LAMC1: variants seen among roughly 807,000 people sequenced by gnomAD.
The protein encoded by LAMC1 is laminin subunit gamma 1.
LAMC1 carries 38 observed loss-of-function variants against 173.6 expected under a neutral mutation model. That is an observed-to-expected ratio of 0.22 (90% confidence interval 0.17 to 0.29). The LOEUF (loss-of-function observed/expected upper bound fraction) is 0.29. Ranked by LOEUF, LAMC1 falls within the 10% of genes least tolerant of loss-of-function variation. The pLI, the probability that LAMC1 is intolerant of heterozygous loss-of-function variation, is 1.00. For synonymous variants in LAMC1, 746 were observed against 749.1 expected (o/e 1.00, Z 0.07); for missense variants, 1,824 against 2,051.8 (o/e 0.89, Z 2.14).
intron 17 of LAMC1, 95 bp from the exon 18 acceptor site, chr1:183,128,499 A>G: frequency 3.2e-6 from 3 of 937,900 alleles, no homozygotes; most frequent in Non-Finnish European, 4.7e-6. Flanking sequence ...CTACATATTC[A>G]TGGAGTGCCC....
At chr1:183,060,311 A>G (rs969332020) in intron 1 of LAMC1, among the ~76,000 whole-genome samples, 1 of 151,422 alleles carries the variant, frequency 6.6e-6, no homozygotes, top group African/African-American at 2.4e-5. Flanking sequence ...CCAGCTACTC[A>G]GGAGGCTGAG....
intron 2 of LAMC1, among the ~76,000 whole-genome samples, chr1:183,105,224 CAAAAAAAAAAA>C (rs35512159): frequency 4.7e-5 from 2 of 42,852 alleles, no homozygotes; most frequent in Non-Finnish European, 8.6e-5. Context: ...GACTCCATCT[CAAAAAAAAAAA>C]AAAAAAAAAA....
At chr1:183,094,749 G>A (rs1275831270) in intron 1 of LAMC1, among the ~76,000 whole-genome samples, 2 of 152,230 alleles carry the variant, frequency 1.3e-5, no homozygotes, top group Admixed American at 6.5e-5. Flanking sequence ...AAGGACAGAT[G>A]TAAACAGTAC....
At chr1:183,113,730 T>C (rs549263635) in intron 4 of LAMC1, among the ~76,000 whole-genome samples, 1 of 152,198 alleles carries the variant, frequency 6.6e-6, no homozygotes, top group South Asian at 2.1e-4. Flanking sequence ...GTTACCCCAG[T>C]CTAGATATAT....
chr1:183,121,129 T>A (rs1433522094), intron 11 of LAMC1, among the ~76,000 whole-genome samples: 3 of 152,040 alleles, frequency 2.0e-5, no homozygotes, highest in Non-Finnish European at 2.9e-5. Flanking sequence ...TTAAAAAAAA[T>A]TAGTTTGGGC....
intron 1 of LAMC1, among the ~76,000 whole-genome samples, chr1:183,086,412 G>A (rs1298035100): frequency 6.6e-6 from 1 of 152,198 alleles, no homozygotes; most frequent in African/African-American, 2.4e-5. Flanking sequence ...TCAAGTGATA[G>A]AAGCAAGAGC....
At chr1:183,103,715 TC>T in intron 2 of LAMC1, 83 bp downstream of exon 2, 1 of 1,233,944 alleles carries the variant, frequency 8.1e-7, no homozygotes, top group Non-Finnish European at 1.1e-6. Flanking sequence ...GGGCTTGTGG[TC>T]CCACTTCTGA....
At chr1:183,114,501 C>G (rs768027623) in intron 4 of LAMC1, 30 bp from the exon 5 acceptor site, 2 of 1,610,466 alleles carry the variant, frequency 1.2e-6, no homozygotes, top group South Asian at 1.1e-5. Flanking sequence ...GTACCCAGAT[C>G]TGATGTAACT....
chr1:183,060,165 T>C (rs747675128), intron 1 of LAMC1, among the ~76,000 whole-genome samples: 1 of 152,226 alleles, frequency 6.6e-6, no homozygotes, highest in Non-Finnish European at 1.5e-5. Flanking sequence ...ATCATGTAGC[T>C]AGACTTTTAA....
chr1:183,030,121 C>T (rs1653811048), intron 1 of LAMC1, among the ~76,000 whole-genome samples: 1 of 152,102 alleles, frequency 6.6e-6, no homozygotes, highest in African/African-American at 2.4e-5. Flanking sequence ...ATTTTAGTTA[C>T]CCATAAAGTT....
chr1:183,035,525 A>G (rs1424846517), intron 1 of LAMC1, among the ~76,000 whole-genome samples: 3 of 152,186 alleles, frequency 2.0e-5, no homozygotes, highest in African/African-American at 4.8e-5. Context: ...GGTTTTGGGC[A>G]TATGTACTAG....
chr1:183,082,564 G>A (rs1054737207), intron 1 of LAMC1, among the ~76,000 whole-genome samples: 1 of 152,132 alleles, frequency 6.6e-6, no homozygotes, highest in Non-Finnish European at 1.5e-5. Flanking sequence ...AAGGGCAAGG[G>A]CTTCCCAATG....
Position 183,118,148 on chromosome 1 carries a change from TA to T in LAMC1, c.1990+4del. 6.8e-7 allele frequency: 1 copy of T among 1,463,658 alleles called. No homozygotes were observed. The highest frequency in any genetic ancestry group is 9.6e-7 in the Non-Finnish European group (1 of 1,045,820). The allele number at this position is 1,463,658 out of a possible 1,614,324, so 90.7% of individuals were successfully genotyped here. A position where few individuals can be genotyped will look rare whatever the true frequency, so the allele number is the denominator to read the frequency against. On this transcript the variant is annotated splice_donor_region_variant and intron_variant, in intron 11 of 27. Coordinates refer to ENST00000258341, the MANE Select transcript of LAMC1 (RefSeq NM_002293.4). Reference sequence around the variant, plus strand: ...TACGTGGGACATACAGTGAGAGAAGTAAGTTATGATATAATTTAGGAGAGTT... The same window carrying T: ...TACGTGGGACATACAGTGAGAGAAGTAGTTATGATATAATTTAGGAGAGTT...
In LAMC1 at chr1:183,126,131, A is replaced by T; in HGVS notation, c.2813A>T (p.His938Leu). The T allele has an allele frequency of 6.2e-7, 1 of 1,613,416 alleles. No individual in the cohort carries two copies. The highest frequency in any genetic ancestry group is 8.5e-7 in the Non-Finnish European group (1 of 1,179,886). ...SGQGCERCDC[H>L]ALGSTNGQCD... ...GTGTTCATTTTCAGGTGTGACTGCC[A>T]TGCCTTGGGCTCCACCAATGGGCAG... The change falls in exon 16 of 28, where the codon CAT (histidine) becomes CTT (leucine). Residue 938 changes from histidine (H) to leucine (L), a missense_variant. Physicochemically the swap from His to Leu is moderately conservative, Grantham distance 99. Coordinates refer to ENST00000258341, the MANE Select transcript of LAMC1 (RefSeq NM_002293.4).
chr1:183,112,952 G>A (rs1256092751), intron 4 of LAMC1, among the ~76,000 whole-genome samples: 1 of 152,130 alleles, frequency 6.6e-6, no homozygotes, highest in African/African-American at 2.4e-5. Context: ...GGGAGGCCAA[G>A]GTGGGAGACT....
At chr1:183,086,636 G>A (rs992393359) in intron 1 of LAMC1, among the ~76,000 whole-genome samples, 3 of 152,158 alleles carry the variant, frequency 2.0e-5, no homozygotes, top group Non-Finnish European at 4.4e-5. Context: ...TTAGAAAATT[G>A]TAAGCCTTTA....
At chr1:183,110,211 C>T (rs1302299916) in intron 3 of LAMC1, among the ~76,000 whole-genome samples, 1 of 152,180 alleles carries the variant, frequency 6.6e-6, no homozygotes, top group Non-Finnish European at 1.5e-5. Flanking sequence ...TCTTGACACA[C>T]AGGTTTGACT....
chr1:183,072,248 A>G (rs918209054), intron 1 of LAMC1, among the ~76,000 whole-genome samples: 3 of 152,204 alleles, frequency 2.0e-5, no homozygotes, highest in Admixed American at 2.0e-4. Context: ...TATGGATGAA[A>G]TCTTGTTACA....
At chr1:183,055,982 G>T (rs760589046) in intron 1 of LAMC1, among the ~76,000 whole-genome samples, 1 of 152,194 alleles carries the variant, frequency 6.6e-6, no homozygotes, top group Non-Finnish European at 1.5e-5. Context: ...GGATTAAAAA[G>T]TGTCTTGTGT....
Sources: gnomAD v4.1 joint callset for allele counts (sites outside exome capture counted in the v4.1 genomes callset) on GRCh38, gnomAD v4.1.1 for gene constraint, MANE v1.5 for transcripts, NCBI Gene and HGNC (gene_info 2026-07-23, HGNC 2026-07-21) for gene names.